The following NPAS3 variants were observed in gnomAD, a reference collection of about 807,000 sequenced individuals.
NPAS3 encodes neuronal PAS domain-containing protein 3.
NPAS3 carries 14 observed loss-of-function variants against 73.1 expected under a neutral mutation model. The ratio of observed to expected loss-of-function variants is 0.19; its 90% CI spans 0.13 to 0.30. The LOEUF (loss-of-function observed/expected upper bound fraction) is 0.30. Ranked by LOEUF, NPAS3 falls within the 10% of genes least tolerant of loss-of-function variation. The pLI, the probability that NPAS3 is intolerant of heterozygous loss-of-function variation, is 1.00. For missense variants in NPAS3, 1,096 were observed against 1,250.0 expected (o/e 0.88, Z 1.86); for synonymous variants, 620 against 541.5 (o/e 1.14, Z -2.01).
intron 2 of NPAS3, among the ~76,000 whole-genome samples, chr14:33,124,233 A>T (rs558765524): frequency 6.6e-6 from 1 of 151,996 alleles, no homozygotes; most frequent in Admixed American, 6.6e-5. Context: ...TATCCCCCCA[A>T]TAACATCAGA....
chr14:33,165,051 C>T (rs1366013109), intron 2 of NPAS3, among the ~76,000 whole-genome samples: 1 of 151,994 alleles, frequency 6.6e-6, no homozygotes, highest in African/African-American at 2.4e-5. Context: ...ACAAGTTTAG[C>T]AGAGTGTAAG....
At chr14:33,228,260 C>T (rs569409515) in intron 3 of NPAS3, among the ~76,000 whole-genome samples, 7 of 152,102 alleles carry the variant, frequency 4.6e-5, no homozygotes, top group Non-Finnish European at 8.8e-5. Flanking sequence ...TAACTTGTAT[C>T]ATTTGATAAA....
chr14:33,451,728 G>A (rs1455583251), intron 4 of NPAS3, among the ~76,000 whole-genome samples: 2 of 151,970 alleles, frequency 1.3e-5, no homozygotes, highest in Admixed American at 1.3e-4. Context: ...ACATTTTCTT[G>A]TGCCCATTTT....
intron 4 of NPAS3, among the ~76,000 whole-genome samples, chr14:33,531,908 T>G (rs2140180832): frequency 6.6e-6 from 1 of 152,256 alleles, no homozygotes; most frequent in East Asian, 1.9e-4. Flanking sequence ...TTAATTTGCA[T>G]TTTGCAAATG....
intron 4 of NPAS3, among the ~76,000 whole-genome samples, chr14:33,556,712 G>A (rs183216554): frequency 1.1e-4 from 17 of 152,304 alleles, no homozygotes; most frequent in Non-Finnish European, 2.4e-4. Flanking sequence ...CCACTGACTG[G>A]CCATCTGATC....
chr14:33,480,963 G>T (rs956446039), intron 4 of NPAS3, among the ~76,000 whole-genome samples: 6 of 152,068 alleles, frequency 3.9e-5, no homozygotes, highest in South Asian at 2.1e-4. Flanking sequence ...AGAGAGAAGG[G>T]AGAGTAATGC....
rs552639519 is a variant in NPAS3, at chr14:33,155,827, AAC to A, written c.141-59353_141-59352del. Among the ~76,000 whole-genome samples the A allele has an allele frequency of 1.2e-4, 19 of 152,354 alleles. 1 individual carries two copies. In the South Asian group the frequency reaches 3.7e-3, roughly 30 times the overall value. On this transcript the variant is annotated intron_variant, in intron 2 of 11. Transcript: ENST00000356141. ...TGATTCCCATTTTGGGGATGCCAGC[AAC>A]ATCAAAATAGTGAATAATAGTGCTA...
intron 9 of NPAS3, among the ~76,000 whole-genome samples, chr14:33,786,937 CA>C (rs36114643): frequency 6.6e-6 from 1 of 151,650 alleles, no homozygotes; most frequent in African/African-American, 2.4e-5. Context: ...AGTAGGCACT[CA>C]AAAAAAATGG....
intron 5 of NPAS3, among the ~76,000 whole-genome samples, chr14:33,565,889 A>AT (rs200153797): frequency 1.6e-4 from 24 of 152,058 alleles, no homozygotes; most frequent in African/African-American, 3.6e-4. Flanking sequence ...ACATACCTTA[A>AT]TTTTTTTAAA....
chr14:33,533,128 A>G (rs1441070756), intron 4 of NPAS3, among the ~76,000 whole-genome samples: 2 of 152,164 alleles, frequency 1.3e-5, no homozygotes, highest in African/African-American at 4.8e-5. Flanking sequence ...TCTTATGAAA[A>G]GAAATTCAGG....
intron 4 of NPAS3, among the ~76,000 whole-genome samples, chr14:33,524,696 G>T (rs1365870935): frequency 6.6e-6 from 1 of 152,144 alleles, no homozygotes; most frequent in Non-Finnish European, 1.5e-5. Flanking sequence ...CTGTAGGCTA[G>T]AAGTGTGAGA....
intron 1 of NPAS3, among the ~76,000 whole-genome samples, chr14:33,036,735 A>T (rs2040182297): frequency 6.6e-6 from 1 of 152,190 alleles, no homozygotes; most frequent in Non-Finnish European, 1.5e-5. Context: ...GTTAAAAAAA[A>T]ATCAGACCTT....
intron 5 of NPAS3, among the ~76,000 whole-genome samples, chr14:33,650,519 G>A (rs1314310678): frequency 6.6e-6 from 1 of 152,122 alleles, no homozygotes; most frequent in African/African-American, 2.4e-5. Flanking sequence ...AGTGAGCTCC[G>A]AGCTTTGGAG....
chr14:33,093,788 T>C (rs187159904), intron 2 of NPAS3, among the ~76,000 whole-genome samples: 2 of 152,154 alleles, frequency 1.3e-5, no homozygotes, highest in African/African-American at 2.4e-5. Flanking sequence ...ACTATGCAGC[T>C]ACAAAAAAGG....
intron 4 of NPAS3, among the ~76,000 whole-genome samples, chr14:33,535,449 G>A (rs1409874324): frequency 6.6e-6 from 1 of 152,150 alleles, no homozygotes; most frequent in Non-Finnish European, 1.5e-5. Context: ...AGTCTATAGA[G>A]TAGAATCATG....
chr14:32,944,516 G>T (rs2036169608), intron 1 of NPAS3, among the ~76,000 whole-genome samples: 1 of 152,106 alleles, frequency 6.6e-6, no homozygotes, highest in Admixed American at 6.5e-5. Flanking sequence ...AAATCCAATT[G>T]TTTGCATTCG....
At chr14:33,701,502 C>T (rs1023804803) in intron 6 of NPAS3, among the ~76,000 whole-genome samples, 1 of 152,208 alleles carries the variant, frequency 6.6e-6, no homozygotes, top group Non-Finnish European at 1.5e-5. Flanking sequence ...CTCCAAAAGA[C>T]AGTGGGAATT....
exon 10 of NPAS3, chr14:33,793,903 A>G (rs2063439243): frequency 6.2e-7 from 1 of 1,613,084 alleles, no homozygotes; most frequent in Non-Finnish European, 8.5e-7. Context: ...CCAGTGCTGA[A>G]TAAGGGTCAG....
chr14:33,677,550 C>T (rs2059803460), intron 6 of NPAS3, among the ~76,000 whole-genome samples: 1 of 151,704 alleles, frequency 6.6e-6, no homozygotes, highest in South Asian at 2.1e-4. Flanking sequence ...TAAAATAACT[C>T]AACATACTTC....
Sources: allele counts gnomAD v4.1 joint callset (sites outside exome capture counted in the v4.1 genomes callset), GRCh38; gene constraint gnomAD v4.1.1; transcripts MANE v1.5; gene names NCBI Gene and HGNC (gene_info 2026-07-23, HGNC 2026-07-21).